The following HDAC4 variants were observed in gnomAD, a reference collection of about 807,000 sequenced individuals.
The protein encoded by HDAC4 is histone deacetylase 4.
Under a neutral mutation model 135.1 loss-of-function variants are expected in HDAC4, and 16 were observed. The observed-to-expected ratio is 0.12, with a 90% confidence interval of 0.08 to 0.18. The LOEUF is 0.18. Among genes scored for constraint, HDAC4 ranks in the 10% least tolerant of loss-of-function variants. HDAC4 has a pLI of 1.00. For missense variants in HDAC4, 1,143 were observed against 1,511.8 expected, an observed-to-expected ratio of 0.76 and a Z score of 4.05; for synonymous variants, 685 against 653.4, an observed-to-expected ratio of 1.05 and a Z score of -0.74.
Position 239,371,351 on chromosome 2 carries a change from GCA to G in HDAC4, c.-219-18435_-219-18434del, listed in dbSNP as rs200923353. Among the ~76,000 whole-genome samples the G allele has an allele frequency of 6.1e-3, 926 of 151,218 alleles. 3 individuals are homozygous for G. The highest frequency in any genetic ancestry group is 0.014 in the Middle Eastern group (4 of 294). ...CACAATCATGAACACACTCAAACAC[GCA>G]CACTCAAACCCATGCGCTCATATAC... is the stretch of plus-strand genomic sequence containing the variant. On this transcript the variant is annotated intron_variant, in intron 1 of 26. Transcript: ENST00000543185.
At chr2:239,304,824 G>A (rs2052482593) in intron 2 of HDAC4, among the ~76,000 whole-genome samples, 1 of 152,084 alleles carries the variant, frequency 6.6e-6, no homozygotes, top group South Asian at 2.1e-4. Context: ...GGCCCCCTTG[G>A]GGGCTTTCTA....
chr2:239,312,227 C>A (rs575436947), intron 2 of HDAC4, among the ~76,000 whole-genome samples: 1 of 152,178 alleles, frequency 6.6e-6, no homozygotes, highest in African/African-American at 2.4e-5. Context: ...CAGCCACCCA[C>A]GCTACAGAGG....
chr2:239,060,533 G>A (rs1268348477), intron 24 of HDAC4, among the ~76,000 whole-genome samples: 1 of 152,228 alleles, frequency 6.6e-6, no homozygotes, highest in Non-Finnish European at 1.5e-5. Flanking sequence ...AAGGGACCCT[G>A]GAGCCCTGCA....
At chr2:239,192,690 T>A (rs1364466110) in intron 3 of HDAC4, among the ~76,000 whole-genome samples, 1 of 152,204 alleles carries the variant, frequency 6.6e-6, no homozygotes, top group African/African-American at 2.4e-5. Flanking sequence ...TCTTCCGCGT[T>A]CATGGCTGTG....
At chr2:239,185,926 C>G (rs750660855) in intron 4 of HDAC4, among the ~76,000 whole-genome samples, 2 of 152,090 alleles carry the variant, frequency 1.3e-5, no homozygotes, top group Non-Finnish European at 2.9e-5. Context: ...CCCAGCCACT[C>G]AGGTGGCTGA....
At chr2:239,366,030 G>A (rs1279268438) in intron 1 of HDAC4, among the ~76,000 whole-genome samples, 1 of 146,968 alleles carries the variant, frequency 6.8e-6, no homozygotes, top group Non-Finnish European at 1.5e-5. Flanking sequence ...CGCATGCACA[G>A]AGCAGGGTCG....
intron 4 of HDAC4, among the ~76,000 whole-genome samples, chr2:239,184,145 C>T (rs1457426910): frequency 6.7e-6 from 1 of 148,390 alleles, no homozygotes; most frequent in South Asian, 2.2e-4. Context: ...TTCATGCATT[C>T]GACTGGGAAT....
intron 2 of HDAC4, among the ~76,000 whole-genome samples, chr2:239,260,823 T>C (rs1489005328): frequency 6.6e-6 from 1 of 152,164 alleles, no homozygotes; most frequent in African/African-American, 2.4e-5. Flanking sequence ...TCACATTGCA[T>C]TGTGCAAATG....
At chr2:239,274,780 G>A (rs2050255415) in intron 2 of HDAC4, among the ~76,000 whole-genome samples, 1 of 152,120 alleles carries the variant, frequency 6.6e-6, no homozygotes, top group Admixed American at 6.5e-5. Context: ...AAAAGAAAAG[G>A]CTCAGAAGTC....
chr2:239,375,597 G>A (rs572221746), intron 1 of HDAC4, among the ~76,000 whole-genome samples: 71 of 152,358 alleles, frequency 4.7e-4, no homozygotes, highest in South Asian at 3.9e-3. Context: ...CGGACACCAC[G>A]GACGCTACAG....
intron 12 of HDAC4, among the ~76,000 whole-genome samples, chr2:239,122,338 TAGAA>T (rs1202490875): frequency 6.6e-6 from 1 of 152,168 alleles, no homozygotes; most frequent in East Asian, 1.9e-4. Flanking sequence ...CCTCTTTTAA[TAGAA>T]AGAGGTATTT....
At chr2:239,128,816 G>A (rs1262618912) in intron 11 of HDAC4, among the ~76,000 whole-genome samples, 1 of 152,192 alleles carries the variant, frequency 6.6e-6, no homozygotes, top group African/African-American at 2.4e-5. Flanking sequence ...CTGACCCTCT[G>A]CAGAGGAGAA....
chr2:239,280,397 G>A (rs914969857), intron 2 of HDAC4, among the ~76,000 whole-genome samples: 5 of 152,164 alleles, frequency 3.3e-5, no homozygotes, highest in Non-Finnish European at 7.4e-5. Flanking sequence ...GCTGTTTCTG[G>A]GAAGCCAGCT....
At chr2:239,379,019 G>A (rs567305778) in intron 1 of HDAC4, among the ~76,000 whole-genome samples, 5 of 152,278 alleles carry the variant, frequency 3.3e-5, no homozygotes, top group African/African-American at 9.6e-5. Flanking sequence ...AGTGTCAGCC[G>A]CAGGGGTGGG....
At chr2:239,279,842 G>A (rs929990567) in intron 2 of HDAC4, among the ~76,000 whole-genome samples, 6 of 152,202 alleles carry the variant, frequency 3.9e-5, no homozygotes, top group African/African-American at 9.7e-5. Context: ...AGCTCTCACC[G>A]GGCTTCTCCA....
At chr2:239,208,326 CAAAAAAAAAAAAAAAA>C in intron 3 of HDAC4, among the ~76,000 whole-genome samples, 1 of 68,214 alleles carries the variant, frequency 1.5e-5, no homozygotes, top group African/African-American at 1.0e-4. Context: ...GACTCCGTCC[CAAAAAAAAAAAAAAAA>C]AAAAAAAAAG....
chr2:239,112,352 C>T (rs1206251917), intron 13 of HDAC4, among the ~76,000 whole-genome samples: 2 of 152,226 alleles, frequency 1.3e-5, no homozygotes, highest in Non-Finnish European at 2.9e-5. Context: ...AAAGCACCAT[C>T]GGCTCTCAGA....
intron 16 of HDAC4, among the ~76,000 whole-genome samples, chr2:239,097,589 G>A (rs1439030301): frequency 1.3e-5 from 2 of 152,250 alleles, no homozygotes; most frequent in Non-Finnish European, 2.9e-5. Flanking sequence ...AGTAGTGGAC[G>A]TGGGGCTGAC....
Position 239,146,704 on chromosome 2 carries a change from A to ACTCCC in HDAC4, c.734-1995_734-1991dup, listed in dbSNP as rs1351911220. Among the ~76,000 whole-genome samples, 8 of 71,158 alleles carry ACTCCC rather than the reference A, an allele frequency of 1.1e-4. No homozygotes were observed. The highest frequency in any genetic ancestry group is 4.4e-4 in the African/African-American group (8 of 18,118). The allele number at this position is 71,158 out of a possible 152,430, so 46.7% of individuals were successfully genotyped here. A position where few individuals can be genotyped will look rare whatever the true frequency, so the allele number is the denominator to read the frequency against. ...CTGCTTCACCCCACCCCTTCCCTCC[A>ACTCCC]CTCCCCTCCCCTTCCCTCCTCTCCC... On this transcript the variant is annotated intron_variant, in intron 7 of 26. Coordinates refer to ENST00000543185, the MANE Select transcript of HDAC4 (RefSeq NM_001378414.1). This position sits in a 1 kb window ranked among gnomAD's most constrained non-coding sequence, Gnocchi z 4.5.
Sources: allele counts gnomAD v4.1 joint callset (sites outside exome capture counted in the v4.1 genomes callset), GRCh38; gene constraint gnomAD v4.1.1; non-coding constraint Gnocchi (gnomAD v3.1); transcripts MANE v1.5; gene names NCBI Gene and HGNC (gene_info 2026-07-23, HGNC 2026-07-21).